TRPM3: variants seen among roughly 807,000 people sequenced by gnomAD.
TRPM3 encodes long transient receptor potential channel 3.
TRPM3 carries 77 observed loss-of-function variants against 181.2 expected under a neutral mutation model. That is an observed-to-expected ratio of 0.42 (90% CI 0.35 to 0.51). TRPM3 has a LOEUF of 0.51. TRPM3 is among the 20% of genes least tolerant of loss of function. The pLI, the probability that TRPM3 is intolerant of heterozygous loss-of-function variation, is 0.01. For synonymous variants in TRPM3, 745 were observed against 796.4 expected (o/e 0.94, Z 1.09); for missense variants, 1,759 against 2,196.7 (o/e 0.80, Z 3.98).
intron 1 of TRPM3, among the ~76,000 whole-genome samples, chr9:71,175,205 G>A (rs2077046299): frequency 6.6e-6 from 1 of 152,214 alleles, no homozygotes; most frequent in Admixed American, 6.5e-5. Flanking sequence ...TGTGGCCTCT[G>A]TGAGAGGGAG....
At chr9:71,133,107 C>T (rs1372374118) in intron 1 of TRPM3, among the ~76,000 whole-genome samples, 1 of 151,922 alleles carries the variant, frequency 6.6e-6, no homozygotes, top group Admixed American at 6.6e-5. Context: ...AACCATTTTA[C>T]GTGCCCCTCA....
chr9:71,003,289 T>C (rs747360322), intron 1 of TRPM3, among the ~76,000 whole-genome samples: 3 of 152,050 alleles, frequency 2.0e-5, no homozygotes, highest in South Asian at 2.1e-4. Flanking sequence ...CCTCTGTGTA[T>C]ATGGCACTTT....
Position 70,534,977 on chromosome 9 carries a change from T to A in TRPM3, c.*976A>T, listed in dbSNP as rs1183824861. 6.5e-6 allele frequency: 1 copy of A among 153,748 alleles called. No individual in the cohort carries two copies. Among genetic ancestry groups the A allele is most frequent in the Non-Finnish European group, 1.4e-5 (1 of 70,122 alleles). The allele number at this position is 153,748 out of a possible 1,614,324, so 9.5% of individuals were successfully genotyped here. On this transcript the variant is annotated 3_prime_UTR_variant, in exon 26 of 26. Transcript: ENST00000677713. ...TCACACAGCAGCACAACACACGACA[T>A]GAACGGTGAGAACAGAACATCCCAC... is the stretch of plus-strand genomic sequence containing the variant.
chr9:70,859,899 T>TCCACAGA (rs1286774635), intron 3 of TRPM3, among the ~76,000 whole-genome samples: 1 of 152,156 alleles, frequency 6.6e-6, no homozygotes, highest in Non-Finnish European at 1.5e-5. Context: ...GATGTGGTGA[T>TCCACAGA]CCACAGACCA....
At chr9:71,085,141 A>G (rs1185772282) in intron 1 of TRPM3, among the ~76,000 whole-genome samples, 1 of 152,082 alleles carries the variant, frequency 6.6e-6, no homozygotes, top group African/African-American at 2.4e-5. Flanking sequence ...AAGATGGATT[A>G]CCGATTTAAA....
At chr9:70,919,849 T>C (rs2096637694) in intron 1 of TRPM3, among the ~76,000 whole-genome samples, 1 of 152,080 alleles carries the variant, frequency 6.6e-6, no homozygotes, top group Admixed American at 6.5e-5. Flanking sequence ...TCCCTTACTA[T>C]ATTCTACCTT....
intron 1 of TRPM3, among the ~76,000 whole-genome samples, chr9:70,915,202 G>T (rs927758737): frequency 2.6e-5 from 4 of 152,136 alleles, no homozygotes; most frequent in African/African-American, 9.7e-5. Context: ...AGATAACACA[G>T]AGAAGGAATT....
chr9:71,204,074 A>C (rs913266550), intron 1 of TRPM3, among the ~76,000 whole-genome samples: 3 of 151,678 alleles, frequency 2.0e-5, no homozygotes, highest in Admixed American at 6.6e-5. Flanking sequence ...AGATGGATTA[A>C]AGACTTAAAC....
intron 1 of TRPM3, among the ~76,000 whole-genome samples, chr9:70,882,376 C>T (rs1745771277): frequency 6.6e-6 from 1 of 152,112 alleles, no homozygotes; most frequent in African/African-American, 2.4e-5. Context: ...AGAGGAAATG[C>T]CAAAGCTGTT....
At position 70,765,198 on chromosome 9, in the gene TRPM3, T is replaced by C. The variant is rs539088574; in HGVS notation, c.1149-3474A>G. Among the ~76,000 whole-genome samples the C allele has an allele frequency of 1.5e-4, 23 of 152,288 alleles. No homozygotes were observed. In the East Asian group the frequency reaches 4.2e-3, roughly 28 times the overall value. Reference sequence around the variant, plus strand: ...TGCCCCATGGTGTTGCTCTTCCTGATTATATTCTAAGTCTTTCATAGTTTC... The same window carrying C: ...TGCCCCATGGTGTTGCTCTTCCTGACTATATTCTAAGTCTTTCATAGTTTC... On this transcript the variant is annotated intron_variant, in intron 7 of 25. Coordinates refer to ENST00000677713, the MANE Select transcript of TRPM3 (RefSeq NM_001366145.2).
At chr9:70,879,173 GA>G (rs1452275274) in intron 1 of TRPM3, among the ~76,000 whole-genome samples, 1 of 152,048 alleles carries the variant, frequency 6.6e-6, no homozygotes, top group African/African-American at 2.4e-5. Context: ...CAGGGACATA[GA>G]ATAACTTCAG....
chr9:71,185,381 A>G lies in TRPM3; in HGVS notation c.183+261272T>C, dbSNP rs147152322. ...GACATTCGCTTGTAGCAATTCTACAAATATCTTTATTTTCATGTAGAGTAG... is the reference window on the plus strand; with the variant it reads ...GACATTCGCTTGTAGCAATTCTACAGATATCTTTATTTTCATGTAGAGTAG... On this transcript the variant is annotated intron_variant, in intron 1 of 24. Coordinates refer to the TRPM3 transcript ENST00000357533. Among the ~76,000 whole-genome samples the G allele has an allele frequency of 7.6e-3, 1,155 of 152,248 alleles. 20 individuals carry two copies. Among genetic ancestry groups the G allele is most frequent in the African/African-American group, 0.026 (1,080 of 41,568 alleles).
intron 1 of TRPM3, among the ~76,000 whole-genome samples, chr9:71,101,707 T>C (rs2068422845): frequency 6.6e-6 from 1 of 152,178 alleles, no homozygotes. Context: ...GTAAATGCAC[T>C]CTTTGTAGGC....
chr9:70,980,067 G>GCACACACACACACACA (rs10527749), intron 1 of TRPM3, among the ~76,000 whole-genome samples: 16,362 of 137,806 alleles, frequency 0.12, 1,338 homozygotes, highest in East Asian at 0.41. Context: ...GCATGTGCGT[G>GCACACACACACACACA]CACACACACA....
intron 1 of TRPM3, among the ~76,000 whole-genome samples, chr9:71,428,661 T>C (rs1306754163): frequency 6.6e-6 from 1 of 152,206 alleles, no homozygotes; most frequent in African/African-American, 2.4e-5. Flanking sequence ...ATTCTGATGC[T>C]TCTGGCATGC....
At chr9:70,662,963 G>T (rs1197045859) in intron 9 of TRPM3, among the ~76,000 whole-genome samples, 1 of 151,976 alleles carries the variant, frequency 6.6e-6, no homozygotes, top group African/African-American at 2.4e-5. Flanking sequence ...AGCACAATTC[G>T]CAATGGCAAA....
At chr9:71,309,551 C>G (rs1034323639) in intron 1 of TRPM3, among the ~76,000 whole-genome samples, 38 of 152,146 alleles carry the variant, frequency 2.5e-4, no homozygotes, top group African/African-American at 8.2e-4. Context: ...TCTGCAAAAT[C>G]CATCACAATT....
chr9:71,208,810 AG>A (rs1188574254), intron 1 of TRPM3, among the ~76,000 whole-genome samples: 17 of 152,324 alleles, frequency 1.1e-4, no homozygotes, highest in Admixed American at 7.8e-4. Flanking sequence ...CCATTTTTCA[AG>A]TTAAAAATTG....
intron 1 of TRPM3, among the ~76,000 whole-genome samples, chr9:70,901,277 A>G (rs2096382370): frequency 4.6e-5 from 7 of 152,248 alleles, no homozygotes; most frequent in Admixed American, 4.6e-4. Context: ...ACACAAGTAG[A>G]TTAATGGCCT....
Sources: gnomAD v4.1 joint callset for allele counts (sites outside exome capture counted in the v4.1 genomes callset) on GRCh38, gnomAD v4.1.1 for gene constraint, MANE v1.5 for transcripts, NCBI Gene and HGNC (gene_info 2026-07-23, HGNC 2026-07-21) for gene names.